EHD3: variants seen among roughly 807,000 people sequenced by gnomAD.
The protein encoded by EHD3 is EH domain-containing protein 3.
EHD3 carries 17 observed loss-of-function variants against 43.0 expected under a neutral mutation model. That is an observed-to-expected ratio of 0.40 (90% CI 0.27 to 0.59). The LOEUF (loss-of-function observed/expected upper bound fraction) is 0.59. EHD3 is among the 20% of genes least tolerant of loss of function. The pLI, the probability that EHD3 is intolerant of heterozygous loss-of-function variation, is 0.49. For missense variants in EHD3, 594 were observed against 705.6 expected (o/e 0.84, Z 1.79); for synonymous variants, 313 against 289.5 (o/e 1.08, Z -0.82).
chr2:31,266,711 G>A lies in EHD3; in HGVS notation c.*7G>A, dbSNP rs374806899. 6.9e-6 allele frequency: 11 copies of A among 1,588,792 alleles called. No homozygotes were observed. The highest frequency in any genetic ancestry group is 1.7e-5 in the Admixed American group (1 of 59,228). ...GAGGAAAGTTGCCGAGTGATGGGGT[G>A]GGGGGACATTCAGACGGGCAGTGTT... On this transcript the variant is annotated 3_prime_UTR_variant, in exon 6 of 6. Coordinates refer to ENST00000322054, the MANE Select transcript of EHD3 (RefSeq NM_014600.3). The surrounding 1 kb of genome is among the most constrained non-coding windows in gnomAD (Gnocchi z 5.1).
rs1684007564 is a variant in EHD3, at chr2:31,269,176, G to A, written c.*2472G>A. 1 of 152,150 alleles carries A rather than the reference G, an allele frequency of 6.6e-6. No homozygotes were observed. Among genetic ancestry groups the A allele is most frequent in the African/African-American group, 2.4e-5 (1 of 41,440 alleles). 9.4% of individuals were successfully genotyped at this position (152,150 alleles called of 1,614,324 possible). A position where few individuals can be genotyped will look rare whatever the true frequency, so the allele number is the denominator to read the frequency against. ...CATTTAATAGGGAAAGCAGAGACAT[G>A]TCATGTCAGCCCCACAGACAAGAAT... On this transcript the variant is annotated 3_prime_UTR_variant, in exon 6 of 6. Coordinates refer to ENST00000322054, the MANE Select transcript of EHD3 (RefSeq NM_014600.3).
chr2:31,260,641 G>C lies in EHD3; in HGVS notation c.634G>C (p.Asp212His). 3 of 1,614,206 alleles carry C rather than the reference G, an allele frequency of 1.9e-6. No individual in the cohort carries two copies. The highest frequency in any genetic ancestry group is 2.5e-6 in the Non-Finnish European group (3 of 1,180,040). Residue 212 changes from aspartate to histidine, a missense_variant, in exon 4 of 6, where the codon GAC becomes CAC. Coordinates refer to ENST00000322054, the MANE Select transcript of EHD3 (RefSeq NM_014600.3). This position sits in a 1 kb window ranked among gnomAD's most constrained non-coding sequence, Gnocchi z 4.6. ...EVIKALKNHE[D>H]KMRVVLNKAD... ...CATCAAAGCCCTCAAGAACCACGAG[G>C]ACAAGATGCGAGTGGTGCTGAACAA...
intron 2 of EHD3, 101 bp downstream of exon 2, chr2:31,244,551 T>C: frequency 2.4e-5 from 31 of 1,277,826 alleles, no homozygotes; most frequent in Non-Finnish European, 3.3e-5. Context: ...GCTTGGTGCC[T>C]AGAGTCTCCT....
intron 2 of EHD3, among the ~76,000 whole-genome samples, chr2:31,244,726 A>G (rs1286042468): frequency 2.0e-5 from 3 of 152,174 alleles, no homozygotes; most frequent in Non-Finnish European, 4.4e-5. Flanking sequence ...ACCTACCCCT[A>G]GTAAAAGTGG....
chr2:31,250,108 C>A (rs1284215352), intron 3 of EHD3, among the ~76,000 whole-genome samples: 2 of 434 alleles, frequency 4.6e-3, no homozygotes, highest in South Asian at 0.045. Context: ...TGGTGTGGGG[C>A]GGTGGGGGCG....
chr2:31,239,933 C>G (rs941265192), intron 1 of EHD3, among the ~76,000 whole-genome samples: 1 of 150,976 alleles, frequency 6.6e-6, no homozygotes, highest in East Asian at 1.9e-4. Flanking sequence ...AGAAGGGGCA[C>G]GTCGCTGAGC....
intron 2 of EHD3, 56 bp from the exon 3 acceptor site, chr2:31,249,315 C>T (rs1330733532): frequency 1.3e-6 from 2 of 1,500,668 alleles, no homozygotes; most frequent in Non-Finnish European, 9.3e-7. Flanking sequence ...TGGAGTCATG[C>T]GGCTAGGTCA....
intron 3 of EHD3, among the ~76,000 whole-genome samples, chr2:31,257,069 C>T (rs1230273483): frequency 6.6e-6 from 1 of 152,228 alleles, no homozygotes; most frequent in African/African-American, 2.4e-5. Flanking sequence ...CTCCTGTGGC[C>T]TGCACTGGCA....
intron 3 of EHD3, among the ~76,000 whole-genome samples, chr2:31,257,366 C>T (rs1683770242): frequency 6.6e-6 from 1 of 150,534 alleles, no homozygotes; most frequent in South Asian, 2.2e-4. Context: ...GGGAGTAGTG[C>T]GGGCTGCAGG....
At chr2:31,257,461 G>T (rs557934821) in intron 3 of EHD3, among the ~76,000 whole-genome samples, 1 of 152,206 alleles carries the variant, frequency 6.6e-6, no homozygotes, top group South Asian at 2.1e-4. Flanking sequence ...GAGGGAGGGA[G>T]GCAGGGAGCG....
At chr2:31,264,726 G>A (rs1683913179) in intron 5 of EHD3, among the ~76,000 whole-genome samples, 1 of 151,338 alleles carries the variant, frequency 6.6e-6, no homozygotes, top group African/African-American at 2.4e-5. Context: ...TAGAGACGGG[G>A]TTTTCACCAT....
chr2:31,264,533 C>CTTTTTTTTTTTTTTTTTTT (rs35446028), intron 5 of EHD3, among the ~76,000 whole-genome samples: 1 of 114,174 alleles, frequency 8.8e-6, no homozygotes, highest in African/African-American at 3.5e-5. Flanking sequence ...ACTTTACAGA[C>CTTTTTTTTTTTTTTTTTTT]TTTTTTTTTT....
At chr2:31,265,978 C>A (rs982024028) in intron 5 of EHD3, among the ~76,000 whole-genome samples, 199 bp from the exon 6 acceptor site, 1 of 152,172 alleles carries the variant, frequency 6.6e-6, no homozygotes, top group Admixed American at 6.5e-5. Context: ...CATCATCAGC[C>A]CAGTGGGCCT....
chr2:31,246,923 G>C (rs1298894158), intron 2 of EHD3, among the ~76,000 whole-genome samples: 1 of 151,072 alleles, frequency 6.6e-6, no homozygotes, highest in Non-Finnish European at 1.5e-5. Flanking sequence ...TTGAGACGAG[G>C]TCTTGCTCTG....
Position 31,235,470 on chromosome 2 carries a change from T to C in EHD3, c.227+622T>C, listed in dbSNP as rs78322187. Reference sequence around the variant, plus strand: ...AATGCTTTTTTTTTCCCCTTTCTCTTATTTGATCTTAATGGCTTAATAATA... The same window carrying C: ...AATGCTTTTTTTTTCCCCTTTCTCTCATTTGATCTTAATGGCTTAATAATA... On this transcript the variant is annotated intron_variant, in intron 1 of 5. Transcript: ENST00000322054. Among the ~76,000 whole-genome samples, 836 of 152,186 alleles carry C rather than the reference T, an allele frequency of 5.5e-3. 8 individuals are homozygous for C. The highest frequency in any genetic ancestry group is 0.019 in the African/African-American group (801 of 41,498).
chr2:31,265,979 CA>C (rs1184189640), intron 5 of EHD3, among the ~76,000 whole-genome samples, 197 bp from the exon 6 acceptor site: 1 of 152,168 alleles, frequency 6.6e-6, no homozygotes, highest in Non-Finnish European at 1.5e-5. Flanking sequence ...ATCATCAGCC[CA>C]GTGGGCCTTT....
chr2:31,249,271 C>T, intron 2 of EHD3, 100 bp from the exon 3 acceptor site: 2 of 1,072,266 alleles, frequency 1.9e-6, no homozygotes, highest in Non-Finnish European at 2.8e-6. Flanking sequence ...CAGGATGCAC[C>T]TGCAGCTCAC....
At chr2:31,264,485 G>A (rs1683906678) in intron 5 of EHD3, among the ~76,000 whole-genome samples, 1 of 146,082 alleles carries the variant, frequency 6.8e-6, no homozygotes, top group African/African-American at 2.5e-5. Context: ...TTTATTTTTA[G>A]AAACATTTTC....
Position 31,269,336 on chromosome 2 carries a change from A to G in EHD3, c.*2632A>G, listed in dbSNP as rs950148579. On this transcript the variant is annotated 3_prime_UTR_variant, in exon 6 of 6. Transcript: ENST00000322054. ...GCCCCTGGTACCAAAGAGCTAAATC[A>G]TGACCAAAGTGTGACATGAATGTAA... is the stretch of plus-strand genomic sequence containing the variant. The G allele has an allele frequency of 1.2e-4, 19 of 152,236 alleles. No individual in the cohort carries two copies. Among genetic ancestry groups the G allele is most frequent in the African/African-American group, 3.6e-4 (15 of 41,464 alleles). 9.4% of individuals were successfully genotyped at this position (152,236 alleles called of 1,614,324 possible).
Sources: gnomAD v4.1 joint callset for allele counts (sites outside exome capture counted in the v4.1 genomes callset) on GRCh38, gnomAD v4.1.1 for gene constraint, Gnocchi (gnomAD v3.1) non-coding constraint, MANE v1.5 for transcripts, NCBI Gene and HGNC (gene_info 2026-07-23, HGNC 2026-07-21) for gene names.